The following ATP9B variants were observed in gnomAD, a reference collection of about 807,000 sequenced individuals.
The protein encoded by ATP9B is probable phospholipid-transporting ATPase IIB.
Under a neutral mutation model 146.1 loss-of-function variants are expected in ATP9B, and 110 were observed. The ratio of observed to expected loss-of-function variants is 0.75; its 90% confidence interval spans 0.65 to 0.88. The LOEUF (loss-of-function observed/expected upper bound fraction) is 0.88, where lower values mean the gene tolerates loss of function less well. Ranked by LOEUF, ATP9B falls within the 40% of genes least tolerant of loss-of-function variation. The probability of loss-of-function intolerance (pLI) is 0.00; values close to 1 mark genes in which losing one functional copy is unlikely to be tolerated. For synonymous variants in ATP9B, 604 were observed against 569.7 expected, an observed-to-expected ratio of 1.06 and a Z score of -0.86; for missense variants, 1,499 against 1,496.4, an observed-to-expected ratio of 1.00 and a Z score of -0.03.
chr18:79,129,583 TTTAGAGACCATCCA>T (rs2094343937), intron 5 of ATP9B, among the ~76,000 whole-genome samples: 2 of 152,120 alleles, frequency 1.3e-5, no homozygotes, highest in African/African-American at 2.4e-5. Context: ...GAAGAGAGAC[TTTAGAGACCATCCA>T]TGATAAAGAA....
intron 11 of ATP9B, among the ~76,000 whole-genome samples, chr18:79,243,330 G>A (rs1426589445): frequency 6.6e-6 from 1 of 152,134 alleles, no homozygotes; most frequent in African/African-American, 2.4e-5. Flanking sequence ...ATTGCAAGGG[G>A]AATGAAATAG....
At chr18:79,307,525 G>A (rs140837410) in intron 15 of ATP9B, 56 of 355,308 alleles carry the variant, frequency 1.6e-4, no homozygotes, top group East Asian at 2.2e-4. Flanking sequence ...TACTGATTCC[G>A]TAAAGTAATT....
At chr18:79,315,912 T>C (rs988022887) in intron 15 of ATP9B, among the ~76,000 whole-genome samples, 1 of 152,236 alleles carries the variant, frequency 6.6e-6, no homozygotes, top group Non-Finnish European at 1.5e-5. Flanking sequence ...TTTTTTGCCT[T>C]TGAATTGTCA....
intron 13 of ATP9B, among the ~76,000 whole-genome samples, chr18:79,293,867 C>T (rs549593415): frequency 2.2e-4 from 34 of 152,170 alleles, no homozygotes; most frequent in East Asian, 5.8e-4. Flanking sequence ...TGCATAAATG[C>T]GCAGATATTA....
chr18:79,138,784 A>C (rs1043958647), intron 5 of ATP9B, among the ~76,000 whole-genome samples: 3 of 151,810 alleles, frequency 2.0e-5, no homozygotes, highest in African/African-American at 7.3e-5. Context: ...TAAAAAAAAA[A>C]AAAAAACCAG....
intron 10 of ATP9B, among the ~76,000 whole-genome samples, chr18:79,209,274 A>G (rs1196385970): frequency 2.0e-5 from 3 of 152,186 alleles, no homozygotes; most frequent in Non-Finnish European, 2.9e-5. Flanking sequence ...GAAGACTTAC[A>G]TTTTCCATAC....
intron 4 of ATP9B, among the ~76,000 whole-genome samples, chr18:79,118,747 T>C (rs1431426914): frequency 6.6e-6 from 1 of 152,054 alleles, no homozygotes; most frequent in Non-Finnish European, 1.5e-5. Context: ...CCTTTTTTTC[T>C]ATTCATAGCT....
intron 15 of ATP9B, among the ~76,000 whole-genome samples, chr18:79,319,689 C>T (rs571840162): frequency 1.1e-4 from 17 of 152,254 alleles, no homozygotes; most frequent in South Asian, 4.2e-4. Context: ...ATATCTGTAC[C>T]GTATATCCAT....
At chr18:79,358,825 G>T (rs1234973170) in intron 25 of ATP9B, among the ~76,000 whole-genome samples, 5 of 138,322 alleles carry the variant, frequency 3.6e-5, no homozygotes, top group Non-Finnish European at 6.3e-5. Context: ...CTGTGTGAGG[G>T]GTGCTCTGGG....
At chr18:79,189,003 A>G (rs1013630801) in intron 8 of ATP9B, among the ~76,000 whole-genome samples, 1 of 152,102 alleles carries the variant, frequency 6.6e-6, no homozygotes, top group Non-Finnish European at 1.5e-5. Flanking sequence ...CCTTTAACTA[A>G]AAGTGTATTG....
Position 79,163,209 on chromosome 18 carries a change from G to A in ATP9B, c.778+8654G>A, listed in dbSNP as rs534964314. ...CTTTAAATCACCTCAGTTATTGAAA[G>A]GTTAGTATTTTTAACTGTACTTAAC... On this transcript the variant is annotated intron_variant, in intron 7 of 29. Transcript: ENST00000426216. Among the ~76,000 whole-genome samples the A allele has an allele frequency of 4.6e-4, 70 of 152,250 alleles. 2 individuals are homozygous for A. In the South Asian group the frequency reaches 0.014, roughly 31 times the overall value.
intron 23 of ATP9B, among the ~76,000 whole-genome samples, chr18:79,346,623 A>G (rs2096890044): frequency 8.1e-6 from 1 of 124,196 alleles, no homozygotes; most frequent in African/African-American, 3.1e-5. Context: ...AGCACACTAC[A>G]TGCTTGGCAC....
chr18:79,147,074 T>C (rs1290057374), intron 6 of ATP9B, among the ~76,000 whole-genome samples: 2 of 152,176 alleles, frequency 1.3e-5, no homozygotes, highest in Non-Finnish European at 2.9e-5. Context: ...TCCAAGAAAG[T>C]GTACTTCAGA....
At chr18:79,156,519 G>T (rs2094784097) in intron 7 of ATP9B, among the ~76,000 whole-genome samples, 1 of 152,170 alleles carries the variant, frequency 6.6e-6, no homozygotes, top group African/African-American at 2.4e-5. Context: ...ATGGAACAGA[G>T]CCCCTCCCCT....
At chr18:79,320,519 TAACA>T (rs1481725589) in intron 15 of ATP9B, among the ~76,000 whole-genome samples, 1 of 152,236 alleles carries the variant, frequency 6.6e-6, no homozygotes, top group Non-Finnish European at 1.5e-5. Flanking sequence ...AATGGGTCTC[TAACA>T]AATGTATTTG....
chr18:79,234,531 C>T (rs564098855), intron 11 of ATP9B, among the ~76,000 whole-genome samples: 1 of 152,312 alleles, frequency 6.6e-6, no homozygotes, highest in South Asian at 2.1e-4. Flanking sequence ...CGGCCAGCTC[C>T]GCCACTACAG....
At chr18:79,169,239 G>A (rs2095032458) in intron 7 of ATP9B, among the ~76,000 whole-genome samples, 1 of 152,130 alleles carries the variant, frequency 6.6e-6, no homozygotes, top group Admixed American at 6.5e-5. Flanking sequence ...TGGGCTATTT[G>A]TATGGTCAAC....
rs114895129 is a variant in ATP9B, at chr18:79,156,151, A to G, written c.778+1596A>G. ...ATTAACGGGAGATCAGCTCTACCCA[A>G]TAATCAAGTGACTTCTGTATACTTG... On this transcript the variant is annotated intron_variant, in intron 7 of 29. Transcript: ENST00000426216. 4.8e-3 allele frequency among the ~76,000 whole-genome samples: 731 copies of G among 152,332 alleles called. 5 individuals carry two copies. The highest frequency in any genetic ancestry group is 0.024 in the South Asian group (118 of 4,828).
chr18:79,226,553 T>A (rs2095736255), intron 11 of ATP9B, among the ~76,000 whole-genome samples: 1 of 152,228 alleles, frequency 6.6e-6, no homozygotes, highest in Admixed American at 6.5e-5. Flanking sequence ...GGTGAGCACA[T>A]GAGTCAAGCC....
Sources: allele counts gnomAD v4.1 joint callset (sites outside exome capture counted in the v4.1 genomes callset), GRCh38; gene constraint gnomAD v4.1.1; transcripts MANE v1.5; gene names NCBI Gene and HGNC (gene_info 2026-07-23, HGNC 2026-07-21).